The following GRIP2 variants were observed in gnomAD, a reference collection of about 807,000 sequenced individuals.
GRIP2 encodes the protein glutamate receptor-interacting protein 2.
Under a neutral mutation model 108.3 loss-of-function variants are expected in GRIP2, and 58 were observed. The observed-to-expected ratio is 0.54, with a 90% CI of 0.43 to 0.67. GRIP2 has a LOEUF of 0.67. Among genes scored for constraint, GRIP2 ranks in the 30% least tolerant of loss-of-function variants. GRIP2 has a pLI of 0.00. For missense variants in GRIP2, 1,278 were observed against 1,430.6 expected (o/e 0.89, Z 1.72); for synonymous variants, 586 against 598.2 (o/e 0.98, Z 0.30).
chr3:14,599,709 G>T, the GRIP2 span, among the ~76,000 whole-genome samples: 58 of 149,434 alleles, frequency 3.9e-4, no homozygotes, highest in African/African-American at 1.4e-3. Flanking sequence ...GTGTGTGTGT[G>T]TGTTTGTGTG....
Position 14,496,551 on chromosome 3 carries a change from T to C in GRIP2, c.2689A>G (p.Met897Val), listed in dbSNP as rs1227696911. The change falls in exon 22 of 24, where the codon ATG (methionine) becomes GTG (valine). Residue 897 changes from methionine to valine, a missense_variant. Physicochemically the swap from Met to Val is conservative, Grantham distance 21. Transcript: ENST00000621039. Reference sequence around the variant, plus strand: ...GCCACCCTCTGCACGGTGCCCGTCATGATGGATGCCTGCAAGGAACACGGC... The same window carrying C: ...GCCACCCTCTGCACGGTGCCCGTCACGATGGATGCCTGCAAGGAACACGGC... ...ELLRELEASIMTGTVQRVALE... is the reference protein window; with the variant it reads ...ELLRELEASIVTGTVQRVALE... 3 of 1,589,024 alleles carry C rather than the reference T, an allele frequency of 1.9e-6. No homozygotes were observed. Among genetic ancestry groups the C allele is most frequent in the Admixed American group, 1.8e-5 (1 of 56,670 alleles).
At chr3:14,541,883 C>G, upstream of GRIP2, 1 of 1,333,690 alleles carries the variant, frequency 7.5e-7, no homozygotes, top group South Asian at 1.2e-5. Flanking sequence ...TCAATTTGGC[C>G]ACCGGTACCC....
the GRIP2 span, chr3:14,602,149 A>C: frequency 6.6e-6 from 1 of 152,094 alleles, no homozygotes; most frequent in African/African-American, 2.4e-5. The surrounding 1 kb of genome is among the most constrained non-coding windows in gnomAD (Gnocchi z 4.7). Flanking sequence ...CCCGACTCCC[A>C]GTTCTGAAAA....
the GRIP2 span, among the ~76,000 whole-genome samples, chr3:14,582,309 G>C: frequency 2.6e-5 from 4 of 152,190 alleles, no homozygotes; most frequent in African/African-American, 9.7e-5. Flanking sequence ...CACTGCTCAA[G>C]TCACTAGCCC....
Position 14,524,019 on chromosome 3 carries a change from C to T in GRIP2, c.404-321G>A, listed in dbSNP as rs368379291. ...GTTACTCAAACTTCAAGACTTTAGA[C>T]CAGCTTTGAAAATCCCAAGCTAGGT... is the stretch of plus-strand genomic sequence containing the variant. On this transcript the variant is annotated intron_variant, in intron 4 of 23. Coordinates refer to ENST00000621039, the MANE Select transcript of GRIP2 (RefSeq NM_001080423.4). 2.3e-3 allele frequency: 1,113 copies of T among 478,922 alleles called. 27 individuals carry two copies. In the South Asian group the frequency reaches 0.031, roughly 13 times the overall value. 29.7% of individuals were successfully genotyped at this position (478,922 alleles called of 1,614,324 possible).
At chr3:14,576,202 A>G in the GRIP2 span, among the ~76,000 whole-genome samples, 5 of 152,328 alleles carry the variant, frequency 3.3e-5, no homozygotes, top group African/African-American at 9.6e-5. Context: ...TGGGCAGGAC[A>G]TGGGGTGGGC....
intron 16 of GRIP2, among the ~76,000 whole-genome samples, chr3:14,510,555 G>A (rs955974058): frequency 1.3e-5 from 2 of 152,104 alleles, no homozygotes; most frequent in Admixed American, 1.3e-4. Context: ...ATGAGCCATT[G>A]CACCTGGCCC....
the GRIP2 span, among the ~76,000 whole-genome samples, chr3:14,583,763 T>C: frequency 3.3e-5 from 5 of 152,298 alleles, no homozygotes; most frequent in Admixed American, 3.3e-4. Flanking sequence ...AGTGAGATAT[T>C]TTATTTATGT....
intron 1 of GRIP2, among the ~76,000 whole-genome samples, chr3:14,553,844 GGCAAA>G (rs1453033985): frequency 5.9e-5 from 9 of 152,224 alleles, no homozygotes; most frequent in Non-Finnish European, 1.2e-4. Context: ...TCACTTAATG[GGCAAA>G]GCAAGTTCCT....
chr3:14,494,827 C>T lies in GRIP2; in HGVS notation c.2970+16G>A, dbSNP rs1221932809. The T allele has an allele frequency of 3.1e-6, 5 of 1,607,500 alleles. No homozygotes were observed. Among genetic ancestry groups the T allele is most frequent in the African/African-American group, 2.7e-5 (2 of 74,752 alleles). On this transcript the variant is annotated intron_variant, in intron 23 of 23. Transcript: ENST00000621039. ...ACAATGCCACCCCCACTATGGAGCC[C>T]CTGCCCCAGCATTACCTGCAGGACC...
In GRIP2 at chr3:14,507,481, T is replaced by A. The variant is rs913579161; in HGVS notation, c.2218+80A>T. ...GGCTGCAGTGAGGACTCTGTGAGGG[T>A]GTGCAGGCAAAGCCTGGCACAGAGG... On this transcript the variant is annotated intron_variant, in intron 18 of 23. Transcript: ENST00000621039. The surrounding 1 kb of genome is among the most constrained non-coding windows in gnomAD (Gnocchi z 4.6). The A allele has an allele frequency of 2.0e-5, 31 of 1,534,922 alleles. 1 individual carries two copies. The East Asian group carries it at 7.0e-4, about 35-fold the overall frequency.
the GRIP2 span, chr3:14,574,390 C>T: frequency 4.8e-6 from 4 of 826,520 alleles, no homozygotes; most frequent in Non-Finnish European, 8.1e-6. Context: ...CTCACCATCT[C>T]CTGTCGGAGC....
intron 21 of GRIP2, among the ~76,000 whole-genome samples, chr3:14,502,182 GA>G (rs1223084886): frequency 6.6e-6 from 1 of 152,006 alleles, no homozygotes. Context: ...TAGAAACAAC[GA>G]TACAGTAAAT....
intron 21 of GRIP2, among the ~76,000 whole-genome samples, chr3:14,499,881 G>T (rs1574990046): frequency 6.6e-6 from 1 of 151,998 alleles, no homozygotes; most frequent in Non-Finnish European, 1.5e-5. Flanking sequence ...AATAGCTGAT[G>T]AGAAAAAAAA....
chr3:14,597,991 C>CCCCCACTACCTGATTTAAGGCA, the GRIP2 span, among the ~76,000 whole-genome samples: 2 of 152,192 alleles, frequency 1.3e-5, no homozygotes, highest in African/African-American at 4.8e-5. Context: ...TTTATCTGGG[C>CCCCCACTACCTGATTTAAGGCA]CCCCACTACC....
chr3:14,587,406 G>T, the GRIP2 span, among the ~76,000 whole-genome samples: 1 of 151,878 alleles, frequency 6.6e-6, no homozygotes, highest in Non-Finnish European at 1.5e-5. Context: ...TGAGGTGTGT[G>T]GATCACCTGA....
Position 14,509,923 on chromosome 3 carries a change from G to C in GRIP2, c.1975C>G (p.Leu659Val). The part of the protein sequence containing the change: ...TTGAVSYTVE[L>V]KRYGGPLGIT... ...CCCAGGGGACCCCCGTAGCGCTTCA[G>C]CTCCACTGTGTAACTGACGGCACCT... Residue 659 changes from leucine to valine, a missense_variant, in exon 17 of 24, where the codon CTG (leucine) becomes GTG (valine). Coordinates refer to ENST00000621039, the MANE Select transcript of GRIP2 (RefSeq NM_001080423.4). 6.4e-7 allele frequency: 1 copy of C among 1,552,208 alleles called. No homozygotes were observed. Among genetic ancestry groups the C allele is most frequent in the Non-Finnish European group, 8.7e-7 (1 of 1,148,278 alleles).
chr3:14,497,622 T>A (rs1416699968), intron 21 of GRIP2, among the ~76,000 whole-genome samples: 1 of 152,138 alleles, frequency 6.6e-6, no homozygotes, highest in African/African-American at 2.4e-5. Context: ...AGGGAGCCCC[T>A]GAAGGACTGA....
Position 14,515,254 on chromosome 3 carries a change from G to A in GRIP2, c.1307-776C>T, listed in dbSNP as rs146732204. 4.6e-4 allele frequency among the ~76,000 whole-genome samples: 70 copies of A among 152,264 alleles called. No individual in the cohort carries two copies. The East Asian group carries it at 6.7e-3, about 15-fold the overall frequency. Reference sequence around the variant, plus strand: ...CTATTCATCCATTGGTGGATACTGCGTTCCTTCCACTATTTGGCTACAGTG... The same window carrying A: ...CTATTCATCCATTGGTGGATACTGCATTCCTTCCACTATTTGGCTACAGTG... On this transcript the variant is annotated intron_variant, in intron 11 of 23. Transcript: ENST00000621039.
Sources: allele counts gnomAD v4.1 joint callset (sites outside exome capture counted in the v4.1 genomes callset), GRCh38; gene constraint gnomAD v4.1.1; non-coding constraint Gnocchi (gnomAD v3.1); transcripts MANE v1.5; gene names NCBI Gene and HGNC (gene_info 2026-07-23, HGNC 2026-07-21).